The following MYO18B variants were observed in gnomAD, a reference collection of about 807,000 sequenced individuals.
MYO18B encodes myosin XVIIIB, also known as unconventional myosin-XVIIIb.
A neutral mutation model predicts 273.0 loss-of-function variants in MYO18B; 204 were observed. The observed-to-expected ratio is 0.75, with a 90% CI of 0.67 to 0.84. MYO18B has a LOEUF of 0.84. Ranked by LOEUF, MYO18B falls within the 40% of genes least tolerant of loss-of-function variation. The probability of loss-of-function intolerance (pLI) is 0.00; values close to 1 mark genes in which losing one functional copy is unlikely to be tolerated. For missense variants in MYO18B, 3,212 were observed against 3,287.6 expected (o/e 0.98, Z 0.56); for synonymous variants, 1,330 against 1,305.7 (o/e 1.02, Z -0.40).
At position 25,908,371 on chromosome 22, in the gene MYO18B, A is replaced by G; in HGVS notation, c.5198A>G (p.Gln1733Arg). Residue 1733 changes from glutamine (Q) to arginine (R), a missense_variant, in exon 32 of 44, where the codon CAG becomes CGG. Coordinates refer to ENST00000335473, the MANE Select transcript of MYO18B (RefSeq NM_032608.7). Reference sequence around the variant, plus strand: ...ATCGAGCGGATGAAGCAGATGCACCAGAAGGACCGTGAGGACCAGGAGGAG... The same window carrying G: ...ATCGAGCGGATGAAGCAGATGCACCGGAAGGACCGTGAGGACCAGGAGGAG... ...LEIERMKQMH[Q>R]KDREDQEEEL... The G allele has an allele frequency of 6.2e-7, 1 of 1,603,442 alleles. No individual in the cohort carries two copies. Among genetic ancestry groups the G allele is most frequent in the Non-Finnish European group, 8.5e-7 (1 of 1,175,276 alleles).
At chr22:25,789,633 C>G (rs1182733619) in intron 11 of MYO18B, among the ~76,000 whole-genome samples, 1 of 18,394 alleles carries the variant, frequency 5.4e-5, no homozygotes, top group Non-Finnish European at 2.3e-4. Flanking sequence ...GAGACTGTCT[C>G]AAGAAAAAAA....
Position 26,026,888 on chromosome 22 carries a change from T to G in MYO18B, c.6914T>G (p.Val2305Gly), listed in dbSNP as rs267606201. 6.2e-7 allele frequency: 1 copy of G among 1,603,896 alleles called. No homozygotes were observed. Reference protein sequence around the residue: ...GSDEGNLSLRVGAKSPLEIEG... With the variant: ...GSDEGNLSLRGGAKSPLEIEG... The stretch of plus-strand genomic sequence containing the variant: ...GACGAGGGAAACCTCTCGCTGAGGG[T>G]TGGGGCAAAGTCACCCCTGGAAATC... The change falls in exon 43 of 44, where the codon GTT (valine) becomes GGT (glycine). Residue 2305 changes from valine (V) to glycine (G), a missense_variant. Val to Gly is a moderately radical substitution (Grantham distance 109, BLOSUM62 -3). Transcript: ENST00000335473.
chr22:25,799,331 G>A (rs543872282), intron 12 of MYO18B, among the ~76,000 whole-genome samples: 5 of 152,084 alleles, frequency 3.3e-5, no homozygotes, highest in Admixed American at 6.6e-5. Flanking sequence ...TCCTTGGCTT[G>A]GCATTCAAAG....
At chr22:25,831,807 T>C (rs1489605647) in intron 15 of MYO18B, among the ~76,000 whole-genome samples, 2 of 152,232 alleles carry the variant, frequency 1.3e-5, no homozygotes, top group African/African-American at 4.8e-5. Flanking sequence ...GACCGAGTTA[T>C]CAGTTTCTGA....
chr22:25,950,761 G>A (rs1313247171), intron 37 of MYO18B, among the ~76,000 whole-genome samples: 2 of 151,926 alleles, frequency 1.3e-5, no homozygotes, highest in Non-Finnish European at 2.9e-5. Flanking sequence ...AAGTAGAGAC[G>A]GGGTTCTACC....
At chr22:25,915,883 G>A (rs79031933) in intron 33 of MYO18B, among the ~76,000 whole-genome samples, 3,759 of 152,234 alleles carry the variant, frequency 0.025, 151 homozygotes, top group African/African-American at 0.084. Flanking sequence ...TTTGTCAAGT[G>A]TTGTACTAAT....
At chr22:25,745,091 A>G (rs889519255) in intron 1 of MYO18B, among the ~76,000 whole-genome samples, 2 of 152,196 alleles carry the variant, frequency 1.3e-5, no homozygotes, top group Non-Finnish European at 2.9e-5. Flanking sequence ...GAATGGGGGC[A>G]GCAAAAATAA....
At chr22:26,028,343 G>A (rs1490359459) in intron 43 of MYO18B, 1 of 152,046 alleles carries the variant, frequency 6.6e-6, no homozygotes, top group Non-Finnish European at 1.5e-5. Flanking sequence ...GTTTGAAGGA[G>A]CTGTGATGGC....
At chr22:25,859,208 T>A (rs1390815430) in intron 21 of MYO18B, among the ~76,000 whole-genome samples, 1 of 150,198 alleles carries the variant, frequency 6.7e-6, no homozygotes, top group Non-Finnish European at 1.5e-5. Flanking sequence ...CCTCAAATAA[T>A]TGTTAAGATA....
chr22:25,778,855 T>C (rs747090968), intron 8 of MYO18B, among the ~76,000 whole-genome samples: 2 of 151,930 alleles, frequency 1.3e-5, no homozygotes, highest in Non-Finnish European at 2.9e-5. Flanking sequence ...TTATATTTTA[T>C]AGATTGAAGG....
intron 14 of MYO18B, 100 bp downstream of exon 14, chr22:25,826,599 C>T (rs368543055): frequency 2.0e-5 from 21 of 1,058,562 alleles, no homozygotes; most frequent in African/African-American, 1.1e-4. Context: ...TTTGAGCTGG[C>T]GAGAGGGTTT....
rs1310251667 is a variant in MYO18B at position 25,891,362 on chromosome 22, C to T, written c.4493C>T (p.Ala1498Val). The change falls in exon 27 of 44, where the codon GCC (alanine) becomes GTC (valine). Residue 1498 changes from alanine to valine, a missense_variant. Physicochemically the swap from Ala to Val is moderately conservative, Grantham distance 64. Transcript: ENST00000335473. ...LGDVNKQLEEAQQKIQLNDLE... is the reference protein window; with the variant it reads ...LGDVNKQLEEVQQKIQLNDLE... ...GATGTGAATAAACAGTTGGAAGAAG[C>T]CCAGCAGAAAATTCAGTTGAATGAC... 5 of 1,586,078 alleles carry T rather than the reference C, an allele frequency of 3.2e-6. No homozygotes were observed. Among genetic ancestry groups the T allele is most frequent in the Non-Finnish European group, 4.3e-6 (5 of 1,165,870 alleles).
intron 34 of MYO18B, among the ~76,000 whole-genome samples, chr22:25,921,728 GTGTGTGTGTGTGTATGTGTATGTGTGTA>G (rs2092346988): frequency 1.3e-5 from 1 of 79,620 alleles, no homozygotes; most frequent in African/African-American, 3.7e-5. Flanking sequence ...GTGTGTGTGT[GTGTGTGTGTGTGTATGTGTATGTGTGTA>G]TGCGTGTATG....
intron 25 of MYO18B, among the ~76,000 whole-genome samples, chr22:25,880,235 A>T (rs1268783779): frequency 6.6e-6 from 1 of 152,234 alleles, no homozygotes; most frequent in African/African-American, 2.4e-5. Context: ...ATAATATTTT[A>T]AAATTGTAAA....
At chr22:25,997,978 C>CGAGAGAGAGAGAGAGAGAGA (rs5844669) in intron 40 of MYO18B, among the ~76,000 whole-genome samples, 9 of 144,544 alleles carry the variant, frequency 6.2e-5, no homozygotes, top group Admixed American at 1.4e-4. Flanking sequence ...CACACACACA[C>CGAGAGAGAGAGAGAGAGAGA]GAGAGAGAGA....
At chr22:25,921,983 A>T (rs1422730813) in intron 34 of MYO18B, among the ~76,000 whole-genome samples, 1 of 152,148 alleles carries the variant, frequency 6.6e-6, no homozygotes, top group African/African-American at 2.4e-5. Context: ...TAGTATGCTA[A>T]TGATATTGAT....
intron 34 of MYO18B, among the ~76,000 whole-genome samples, chr22:25,923,726 T>C (rs2092381702): frequency 6.6e-6 from 1 of 152,184 alleles, no homozygotes; most frequent in Admixed American, 6.5e-5. Context: ...GCCAGGCATT[T>C]TGAGTTGAGC....
chr22:25,789,640 A>AC lies in MYO18B; in HGVS notation c.2376+4149_2376+4150insC, dbSNP rs1450871026. Among the ~76,000 whole-genome samples the AC allele has an allele frequency of 2.6e-5, 4 of 151,368 alleles. 1 individual carries two copies. The highest frequency in any genetic ancestry group is 9.7e-5 in the African/African-American group (4 of 41,174). On this transcript the variant is annotated intron_variant, in intron 11 of 43. Coordinates refer to ENST00000335473, the MANE Select transcript of MYO18B (RefSeq NM_032608.7). ...GACAGAGCGAGACTGTCTCAAGAAA[A>AC]AAAAAATAACGAAATTACTACATAC...
At chr22:25,916,275 A>G (rs1169960928) in intron 33 of MYO18B, among the ~76,000 whole-genome samples, 1 of 152,068 alleles carries the variant, frequency 6.6e-6, no homozygotes, top group East Asian at 1.9e-4. Flanking sequence ...AATCCCTTCA[A>G]ATAACCTGCT....
Sources: gnomAD v4.1 joint callset for allele counts (sites outside exome capture counted in the v4.1 genomes callset) on GRCh38, gnomAD v4.1.1 for gene constraint, MANE v1.5 for transcripts, NCBI Gene and HGNC (gene_info 2026-07-23, HGNC 2026-07-21) for gene names.